Variants in MAPRE3 observed in about 807,000 individuals in gnomAD.
MAPRE3 encodes microtubule associated protein RP/EB family member 3, also known as microtubule-associated protein RP/EB family member 3.
In MAPRE3, 2 loss-of-function variants were observed where a neutral mutation model predicts 30.5. The ratio of observed to expected loss-of-function variants is 0.07; its 90% CI spans 0.03 to 0.21. The LOEUF (loss-of-function observed/expected upper bound fraction) is 0.21. Ranked by LOEUF, MAPRE3 falls within the 10% of genes least tolerant of loss-of-function variation. The pLI, the probability that MAPRE3 is intolerant of heterozygous loss-of-function variation, is 1.00. For synonymous variants in MAPRE3, 110 were observed against 127.7 expected (o/e 0.86, Z 0.93); for missense variants, 204 against 351.8 (o/e 0.58, Z 3.36).
At chr2:26,973,332 C>G (rs1665950218) in intron 1 of MAPRE3, among the ~76,000 whole-genome samples, 1 of 152,140 alleles carries the variant, frequency 6.6e-6, no homozygotes, top group South Asian at 2.1e-4. Flanking sequence ...TGCACGCCAG[C>G]ACACATTGTG....
intron 3 of MAPRE3, chr2:27,023,697 C>T (rs1332558588): frequency 3.5e-6 from 2 of 569,622 alleles, no homozygotes; most frequent in Non-Finnish European, 6.4e-6. Context: ...TCCCTTCCTC[C>T]TCTCTGGACC....
chr2:27,002,132 G>C (rs1432810110), intron 1 of MAPRE3: 1 of 152,224 alleles, frequency 6.6e-6, no homozygotes, highest in African/African-American at 2.4e-5. Flanking sequence ...CTCTATTGGA[G>C]ACAGGTAAGG....
chr2:26,989,202 A>C (rs1666284299), intron 1 of MAPRE3, among the ~76,000 whole-genome samples: 1 of 152,306 alleles, frequency 6.6e-6, no homozygotes, highest in Non-Finnish European at 1.5e-5. Context: ...TCGAAGAAGA[A>C]AAGGCTATGT....
At chr2:27,019,391 G>A (rs1667065420) in intron 1 of MAPRE3, among the ~76,000 whole-genome samples, 1 of 151,304 alleles carries the variant, frequency 6.6e-6, no homozygotes, top group Non-Finnish European at 1.5e-5. Context: ...GGATGGCAGG[G>A]GGACCCAGGC....
At chr2:27,018,637 T>C (rs768460886) in intron 1 of MAPRE3, among the ~76,000 whole-genome samples, 1 of 152,144 alleles carries the variant, frequency 6.6e-6, no homozygotes, top group Non-Finnish European at 1.5e-5. Flanking sequence ...CAAAATCAGA[T>C]GCCCTTTCCT....
chr2:26,977,496 T>C (rs971343820), intron 1 of MAPRE3, among the ~76,000 whole-genome samples: 1 of 152,262 alleles, frequency 6.6e-6, no homozygotes, highest in East Asian at 1.9e-4. Context: ...TGCTCATTTT[T>C]TGGTGTGGAT....
Position 27,026,113 on chromosome 2 carries a change from C to T in MAPRE3, c.777+81C>T, listed in dbSNP as rs547533906. ...GAAGCGCGATAGGGCCAGAAGGGAC[C>T]GTGGAGAACATTTACTGATGAGAGA... On this transcript the variant is annotated intron_variant, in intron 6 of 6. Transcript: ENST00000233121. 8.7e-5 allele frequency: 134 copies of T among 1,542,136 alleles called. 1 individual carries two copies. The East Asian group carries it at 1.6e-3, about 18-fold the overall frequency.
chr2:26,998,759 A>G (rs1039520465), intron 1 of MAPRE3, among the ~76,000 whole-genome samples: 13 of 152,230 alleles, frequency 8.5e-5, no homozygotes, highest in Admixed American at 1.3e-4. Context: ...GGGAGTCAGG[A>G]AAAACTTTCC....
chr2:27,023,629 C>T, intron 3 of MAPRE3, 152 bp downstream of exon 3: 1 of 847,848 alleles, frequency 1.2e-6, no homozygotes, highest in Non-Finnish European at 1.9e-6. Context: ...TTTCCCCCTG[C>T]TCAAGGCACA....
intron 1 of MAPRE3, among the ~76,000 whole-genome samples, chr2:27,010,435 A>AT (rs1316566559): frequency 3.0e-4 from 25 of 82,560 alleles, no homozygotes; most frequent in Non-Finnish European, 5.2e-4. Flanking sequence ...TTTAATCTGT[A>AT]TTTCTTTTTT....
chr2:27,005,335 T>A (rs558800701), intron 1 of MAPRE3, among the ~76,000 whole-genome samples: 17 of 152,244 alleles, frequency 1.1e-4, no homozygotes, highest in Non-Finnish European at 2.1e-4. Flanking sequence ...CTTTGAAGTG[T>A]CCACAGCATA....
At chr2:27,019,836 A>C (rs1017817166) in intron 1 of MAPRE3, among the ~76,000 whole-genome samples, 1 of 152,218 alleles carries the variant, frequency 6.6e-6, no homozygotes, top group Non-Finnish European at 1.5e-5. Flanking sequence ...GCATTCATTT[A>C]AGTTAAACAT....
intron 1 of MAPRE3, among the ~76,000 whole-genome samples, chr2:26,989,951 G>A (rs534564551): frequency 2.0e-5 from 3 of 152,258 alleles, no homozygotes; most frequent in Middle Eastern, 3.4e-3. Context: ...AGCCGAGGTG[G>A]GACGATTACT....
intron 1 of MAPRE3, among the ~76,000 whole-genome samples, chr2:27,011,287 ACCCT>A (rs943579490): frequency 6.6e-6 from 1 of 152,086 alleles, no homozygotes; most frequent in Non-Finnish European, 1.5e-5. Flanking sequence ...TCCTCCAGAA[ACCCT>A]CTAACTGCTG....
chr2:26,978,247 C>G (rs189267996), intron 1 of MAPRE3, among the ~76,000 whole-genome samples: 1 of 152,320 alleles, frequency 6.6e-6, no homozygotes, highest in African/African-American at 2.4e-5. Context: ...GCTTCTGAGT[C>G]AGCAAGATCA....
chr2:26,972,303 A>G (rs1360252400), intron 1 of MAPRE3, among the ~76,000 whole-genome samples: 1 of 152,238 alleles, frequency 6.6e-6, no homozygotes, highest in Non-Finnish European at 1.5e-5. Flanking sequence ...GGGGTTGCAA[A>G]CAATGAGAAA....
intron 1 of MAPRE3, among the ~76,000 whole-genome samples, chr2:26,982,104 GC>G (rs1222692002): frequency 1.3e-5 from 2 of 152,122 alleles, no homozygotes; most frequent in Non-Finnish European, 2.9e-5. Flanking sequence ...GTTTATAACA[GC>G]CCTGTTTCTC....
At chr2:26,975,543 T>A (rs879728986) in intron 1 of MAPRE3, among the ~76,000 whole-genome samples, 1 of 151,740 alleles carries the variant, frequency 6.6e-6, no homozygotes, top group Non-Finnish European at 1.5e-5. Flanking sequence ...GAAATACCCA[T>A]GTATAGACAT....
chr2:27,016,533 C>T (rs1275417722), intron 1 of MAPRE3, among the ~76,000 whole-genome samples: 3 of 151,892 alleles, frequency 2.0e-5, no homozygotes, highest in African/African-American at 4.8e-5. Context: ...TACAAGTGCC[C>T]GCCACTGTGC....
Sources: allele counts gnomAD v4.1 joint callset (sites outside exome capture counted in the v4.1 genomes callset), GRCh38; gene constraint gnomAD v4.1.1; transcripts MANE v1.5; gene names NCBI Gene and HGNC (gene_info 2026-07-23, HGNC 2026-07-21).